CPNE8: variants seen among roughly 807,000 people sequenced by gnomAD.
CPNE8 encodes the protein copine-8.
A neutral mutation model predicts 81.5 loss-of-function variants in CPNE8; 45 were observed. The ratio of observed to expected loss-of-function variants is 0.55; its 90% CI spans 0.44 to 0.71. The LOEUF is 0.71. Among genes scored for constraint, CPNE8 ranks in the 30% least tolerant of loss-of-function variants. CPNE8 has a pLI of 0.00. For synonymous variants in CPNE8, 252 were observed against 226.3 expected, an observed-to-expected ratio of 1.11 and a Z score of -1.02; for missense variants, 594 against 672.1, an observed-to-expected ratio of 0.88 and a Z score of 1.28.
chr12:38,751,061 CT>C (rs1352391005), intron 10 of CPNE8, among the ~76,000 whole-genome samples: 1 of 152,154 alleles, frequency 6.6e-6, no homozygotes, highest in Non-Finnish European at 1.5e-5. Flanking sequence ...GGGAGTCTCC[CT>C]GCACAAGTTA....
rs183447810 is a variant in CPNE8 at position 38,838,772 on chromosome 12, T to C, written c.330+1144A>G. Among the ~76,000 whole-genome samples the C allele has an allele frequency of 1.7e-3, 265 of 152,224 alleles. 3 individuals carry two copies. Among genetic ancestry groups the C allele is most frequent in the Middle Eastern group, 0.01 (3 of 294 alleles). On this transcript the variant is annotated intron_variant, in intron 5 of 19. Coordinates refer to ENST00000331366, the MANE Select transcript of CPNE8 (RefSeq NM_153634.3). ...TACTTCTTCACATGATTCTGCTGTA[T>C]GCTTCATAACACAAATAAATCTCAT...
At chr12:38,897,479 C>T (rs75695576) in intron 1 of CPNE8, among the ~76,000 whole-genome samples, 8,081 of 151,968 alleles carry the variant, frequency 0.053, 691 homozygotes, top group African/African-American at 0.18. Flanking sequence ...GTTAAATAAA[C>T]ATAGTACAAC....
intron 6 of CPNE8, among the ~76,000 whole-genome samples, chr12:38,776,569 C>A (rs1182818041): frequency 6.6e-6 from 1 of 151,880 alleles, no homozygotes; most frequent in Non-Finnish European, 1.5e-5. Flanking sequence ...CTCGGCCTCC[C>A]AAAGTGCCGG....
intron 13 of CPNE8, among the ~76,000 whole-genome samples, chr12:38,719,747 T>C (rs897862790): frequency 3.9e-5 from 6 of 152,136 alleles, no homozygotes; most frequent in Non-Finnish European, 8.8e-5. Context: ...TATCCCTGTA[T>C]TTTACTTATA....
chr12:38,744,745 T>G (rs539935258), intron 10 of CPNE8, among the ~76,000 whole-genome samples: 3 of 97,748 alleles, frequency 3.1e-5, no homozygotes, highest in Non-Finnish European at 6.3e-5. Flanking sequence ...CCATAAGTTA[T>G]GCATGCCTAT....
intron 6 of CPNE8, among the ~76,000 whole-genome samples, chr12:38,783,200 G>A (rs571084655): frequency 6.2e-4 from 95 of 152,174 alleles, no homozygotes; most frequent in Middle Eastern, 3.4e-3. Flanking sequence ...GGTGGAAGGC[G>A]GAGCAAGATG....
chr12:38,725,934 G>T (rs2136752540), intron 11 of CPNE8, among the ~76,000 whole-genome samples: 1 of 152,320 alleles, frequency 6.6e-6, no homozygotes, highest in African/African-American at 2.4e-5. Flanking sequence ...ATGGAAGACA[G>T]TTTCCCCACA....
intron 5 of CPNE8, among the ~76,000 whole-genome samples, chr12:38,830,207 A>T (rs1028155539): frequency 5.3e-5 from 8 of 152,168 alleles, no homozygotes; most frequent in African/African-American, 1.9e-4. Context: ...AAAGAAACTA[A>T]GTGCTTATTT....
chr12:38,899,709 T>A lies in CPNE8; in HGVS notation c.98+5728A>T, dbSNP rs530926669. Among the ~76,000 whole-genome samples, 4 of 152,328 alleles carry A rather than the reference T, an allele frequency of 2.6e-5. No individual in the cohort carries two copies. The South Asian group carries it at 8.3e-4, about 32-fold the overall frequency. On this transcript the variant is annotated intron_variant, in intron 1 of 19. Transcript: ENST00000331366. ...AGCTTGGCACACAATCTACAAATAATAAGTTGCACATAGTACTTTTATTAT... is the reference window on the plus strand; with the variant it reads ...AGCTTGGCACACAATCTACAAATAAAAAGTTGCACATAGTACTTTTATTAT...
At chr12:38,789,530 C>T (rs1942275517) in intron 6 of CPNE8, among the ~76,000 whole-genome samples, 1 of 151,762 alleles carries the variant, frequency 6.6e-6, no homozygotes, top group South Asian at 2.1e-4. Context: ...GTCTCCAGGA[C>T]ATTGGTCTGA....
intron 10 of CPNE8, among the ~76,000 whole-genome samples, chr12:38,752,348 A>C (rs1371410579): frequency 6.6e-6 from 1 of 152,204 alleles, no homozygotes; most frequent in Non-Finnish European, 1.5e-5. Flanking sequence ...AAATATAAAA[A>C]TACAAAGATA....
At chr12:38,824,132 A>C (rs1201100968) in intron 6 of CPNE8, among the ~76,000 whole-genome samples, 1 of 152,232 alleles carries the variant, frequency 6.6e-6, no homozygotes, top group Non-Finnish European at 1.5e-5. Flanking sequence ...TGCTATTAAA[A>C]AGTAAACTAA....
At chr12:38,871,954 G>A (rs1462284240) in intron 3 of CPNE8, among the ~76,000 whole-genome samples, 1 of 152,140 alleles carries the variant, frequency 6.6e-6, no homozygotes, top group Admixed American at 6.6e-5. Context: ...TGACCAACAT[G>A]GAGAAACCCC....
rs59710225 is a variant in CPNE8 at position 38,653,617 on chromosome 12, T to TAA, written c.*263_*264dup. ...TACATTGGAAATTAGCTGTTTCTGT[T>TAA]AAAAAAAAAAAGAAAGAAAGATTTA... On this transcript the variant is annotated 3_prime_UTR_variant, in exon 20 of 20. Coordinates refer to ENST00000331366, the MANE Select transcript of CPNE8 (RefSeq NM_153634.3). 51 of 148,512 alleles carry TAA rather than the reference T, an allele frequency of 3.4e-4. No homozygotes were observed. Among genetic ancestry groups the TAA allele is most frequent in the East Asian group, 5.1e-4 (5 of 9,728 alleles). The allele number at this position is 148,512 out of a possible 1,614,324, so 9.2% of individuals were successfully genotyped here.
At chr12:38,762,017 C>A in intron 9 of CPNE8, 95 bp downstream of exon 9, 2 of 538,392 alleles carry the variant, frequency 3.7e-6, no homozygotes, top group South Asian at 5.2e-5. Flanking sequence ...TAAGTTTAAC[C>A]AAATTTTAAT....
At chr12:38,885,910 C>T (rs1482566936) in intron 1 of CPNE8, among the ~76,000 whole-genome samples, 1 of 152,050 alleles carries the variant, frequency 6.6e-6, no homozygotes, top group African/African-American at 2.4e-5. Flanking sequence ...TAAAGACGTG[C>T]CTGCCTCCCC....
intron 3 of CPNE8, among the ~76,000 whole-genome samples, chr12:38,869,268 C>A (rs986313037): frequency 1.3e-5 from 2 of 152,108 alleles, no homozygotes; most frequent in Non-Finnish European, 2.9e-5. Context: ...CCTGCCACTT[C>A]CTAGTTTTGT....
At position 38,759,724 on chromosome 12, in the gene CPNE8, T is replaced by C. The variant is rs28607881; in HGVS notation, c.722+1123A>G. Among the ~76,000 whole-genome samples, 792 of 152,248 alleles carry C rather than the reference T, an allele frequency of 5.2e-3. 9 individuals carry two copies. The highest frequency in any genetic ancestry group is 0.018 in the African/African-American group (764 of 41,534). ...CCACTTCCCTCCCCATCTTTTCTTA[T>C]CACTTCTTGAAAGAAAAAAAAAATA... On this transcript the variant is annotated intron_variant, in intron 10 of 19. Coordinates refer to ENST00000331366, the MANE Select transcript of CPNE8 (RefSeq NM_153634.3).
chr12:38,789,891 T>C (rs1259699009), intron 6 of CPNE8, among the ~76,000 whole-genome samples: 1 of 151,814 alleles, frequency 6.6e-6, no homozygotes, highest in Admixed American at 6.6e-5. Context: ...AAAACTGCAA[T>C]GAGATATAGC....
Sources: gnomAD v4.1 joint callset for allele counts (sites outside exome capture counted in the v4.1 genomes callset) on GRCh38, gnomAD v4.1.1 for gene constraint, MANE v1.5 for transcripts, NCBI Gene and HGNC (gene_info 2026-07-23, HGNC 2026-07-21) for gene names.